The following FOXP2 variants were observed in gnomAD, a reference collection of about 807,000 sequenced individuals.
FOXP2 encodes the protein forkhead box protein P2.
In FOXP2, 12 loss-of-function variants were observed where a neutral mutation model predicts 115.8. That is an observed-to-expected ratio of 0.10 (90% CI 0.07 to 0.17). FOXP2 has a LOEUF of 0.17. Among genes scored for constraint, FOXP2 ranks in the 10% least tolerant of loss-of-function variants. The pLI is 1.00. For missense variants in FOXP2, 629 were observed against 843.5 expected, an observed-to-expected ratio of 0.75 and a Z score of 3.15; for synonymous variants, 328 against 297.7, an observed-to-expected ratio of 1.10 and a Z score of -1.05.
chr7:114,499,041 T>C (rs893612003), intron 2 of FOXP2: 4 of 635,768 alleles, frequency 6.3e-6, no homozygotes, highest in Admixed American at 2.4e-5. Context: ...GGCCACTCCC[T>C]AGACCTACTG....
At chr7:114,513,800 T>C (rs902011698) in intron 2 of FOXP2, among the ~76,000 whole-genome samples, 4 of 152,116 alleles carry the variant, frequency 2.6e-5, no homozygotes, top group Non-Finnish European at 5.9e-5. Flanking sequence ...CATAATATAA[T>C]TTTCTAATTT....
intron 1 of FOXP2, among the ~76,000 whole-genome samples, chr7:114,223,050 T>C (rs374803198): frequency 7.2e-5 from 11 of 152,298 alleles, no homozygotes; most frequent in South Asian, 6.2e-4. Flanking sequence ...TTGCCAACAA[T>C]AGCAGAACAT....
intron 3 of FOXP2, among the ~76,000 whole-genome samples, chr7:114,557,923 GTCAGCC>G (rs1370327311): frequency 2.6e-5 from 4 of 151,804 alleles, no homozygotes; most frequent in Non-Finnish European, 5.9e-5. Flanking sequence ...AGTTCTCTGT[GTCAGCC>G]TCCCAAGTAG....
chr7:114,535,989 A>G (rs895939203), intron 3 of FOXP2, among the ~76,000 whole-genome samples: 3 of 151,558 alleles, frequency 2.0e-5, no homozygotes, highest in African/African-American at 7.3e-5. Context: ...TTCTTCCCCA[A>G]TTTATAATGG....
intron 2 of FOXP2, among the ~76,000 whole-genome samples, chr7:114,307,770 G>A (rs752152989): frequency 2.6e-5 from 4 of 152,104 alleles, no homozygotes; most frequent in Non-Finnish European, 5.9e-5. Flanking sequence ...ATACATATTG[G>A]CATTGGGGGT....
chr7:114,293,283 A>G (rs967090692), intron 2 of FOXP2, among the ~76,000 whole-genome samples: 3 of 151,912 alleles, frequency 2.0e-5, no homozygotes, highest in Non-Finnish European at 4.4e-5. Context: ...TCTTGCCTCT[A>G]TCTCTCTCTG....
In FOXP2 at chr7:114,116,722, G is replaced by T. The variant is rs78769024; in HGVS notation, c.-247+28884G>T. 1.6e-4 allele frequency among the ~76,000 whole-genome samples: 25 copies of T among 152,198 alleles called. No individual in the cohort carries two copies. The East Asian group carries it at 4.7e-3, about 28-fold the overall frequency. ...TAGTAAACTATATGGGATTAAAAAC[G>T]TAAAATGGGTTGGTAATTATGATTA... On this transcript the variant is annotated intron_variant, in intron 1 of 19. Transcript: ENST00000635638.
chr7:114,531,632 C>T (rs1799146906), intron 2 of FOXP2, among the ~76,000 whole-genome samples: 2 of 151,838 alleles, frequency 1.3e-5, no homozygotes, highest in Admixed American at 1.3e-4. Context: ...CTATAGCAGT[C>T]TCTACTCTAC....
chr7:114,131,004 G>A (rs1049510017), intron 1 of FOXP2, among the ~76,000 whole-genome samples: 1 of 152,204 alleles, frequency 6.6e-6, no homozygotes, highest in African/African-American at 2.4e-5. Flanking sequence ...TCGCAGAAAT[G>A]TTTCCATGAC....
Position 114,100,917 on chromosome 7 carries a change from T to A in FOXP2, c.-247+13079T>A, listed in dbSNP as rs2129140607. Reference sequence around the variant, plus strand: ...ATCCCCATTTTATGAATGGCAAGTCTGAGTCACAGATTGTCAACTGTGAAG... The same window carrying A: ...ATCCCCATTTTATGAATGGCAAGTCAGAGTCACAGATTGTCAACTGTGAAG... On this transcript the variant is annotated intron_variant, in intron 1 of 19. Coordinates refer to the FOXP2 transcript ENST00000635638. Among the ~76,000 whole-genome samples the A allele has an allele frequency of 1.3e-5, 2 of 152,300 alleles. 1 individual carries two copies. The highest frequency in any genetic ancestry group is 4.1e-4 in the South Asian group (2 of 4,830).
At chr7:114,491,399 G>T (rs1204077675) in intron 2 of FOXP2, among the ~76,000 whole-genome samples, 2 of 151,996 alleles carry the variant, frequency 1.3e-5, no homozygotes, top group East Asian at 3.9e-4. Context: ...GTAGATTCTG[G>T]ATATTAGCCC....
At chr7:114,552,991 C>T (rs532331449) in intron 3 of FOXP2, among the ~76,000 whole-genome samples, 1 of 151,972 alleles carries the variant, frequency 6.6e-6, no homozygotes, top group Non-Finnish European at 1.5e-5. Flanking sequence ...GAAAATAGTT[C>T]TCTCTCCCAG....
chr7:114,333,653 A>G (rs2694934), intron 2 of FOXP2, among the ~76,000 whole-genome samples: 93,587 of 152,098 alleles, frequency 0.62, 31,755 homozygotes, highest in East Asian at 0.84. Flanking sequence ...TTGGAAGGCT[A>G]AGGTGGGCAG....
intron 1 of FOXP2, among the ~76,000 whole-genome samples, chr7:114,279,219 G>A (rs950316679): frequency 1.3e-5 from 2 of 152,056 alleles, no homozygotes; most frequent in African/African-American, 4.8e-5. Context: ...AAACATTAAC[G>A]TGTAGAGGAT....
intron 1 of FOXP2, among the ~76,000 whole-genome samples, chr7:114,424,067 A>T (rs1793733454): frequency 6.6e-6 from 1 of 151,600 alleles, no homozygotes; most frequent in Non-Finnish European, 1.5e-5. Flanking sequence ...TTATAAAGTT[A>T]AAAACTCCAC....
At chr7:114,407,349 A>G (rs1584700441) in intron 2 of FOXP2, among the ~76,000 whole-genome samples, 3 of 152,204 alleles carry the variant, frequency 2.0e-5, no homozygotes, top group Middle Eastern at 6.8e-3. Flanking sequence ...GTGTTTTAAT[A>G]GCATAGAAAA....
chr7:114,353,771 A>G (rs1448261174), intron 2 of FOXP2, among the ~76,000 whole-genome samples: 1 of 151,976 alleles, frequency 6.6e-6, no homozygotes, highest in Non-Finnish European at 1.5e-5. Context: ...TTGTATGTTC[A>G]ATTACGATAC....
intron 2 of FOXP2, among the ~76,000 whole-genome samples, chr7:114,381,952 A>G (rs528896824): frequency 6.6e-6 from 1 of 152,256 alleles, no homozygotes; most frequent in African/African-American, 2.4e-5. Context: ...CCCAGACTTC[A>G]GGATTAATTC....
chr7:114,522,260 G>A (rs1287361981), intron 2 of FOXP2, among the ~76,000 whole-genome samples: 1 of 152,152 alleles, frequency 6.6e-6, no homozygotes, highest in East Asian at 1.9e-4. Context: ...TCTTCAACAA[G>A]TGGGCCACTG....
Sources: gnomAD v4.1 joint callset for allele counts (sites outside exome capture counted in the v4.1 genomes callset) on GRCh38, gnomAD v4.1.1 for gene constraint, MANE v1.5 for transcripts, NCBI Gene and HGNC (gene_info 2026-07-23, HGNC 2026-07-21) for gene names.